KSR2: variants seen among roughly 807,000 people sequenced by gnomAD.
KSR2 encodes kinase suppressor of ras 2.
A neutral mutation model predicts 107.8 loss-of-function variants in KSR2; 25 were observed. The ratio of observed to expected loss-of-function variants is 0.23; its 90% CI spans 0.17 to 0.32. The LOEUF (loss-of-function observed/expected upper bound fraction) is 0.32. Among genes scored for constraint, KSR2 ranks in the 10% least tolerant of loss-of-function variants. KSR2 has a pLI of 1.00. For synonymous variants in KSR2, 480 were observed against 507.0 expected, an observed-to-expected ratio of 0.95 and a Z score of 0.71; for missense variants, 887 against 1,268.9, an observed-to-expected ratio of 0.70 and a Z score of 4.57.
At position 117,640,795 on chromosome 12, in the gene KSR2, GGT is replaced by G. The variant is rs564209865; in HGVS notation, c.1171+26677_1171+26678del. 1.4e-4 allele frequency among the ~76,000 whole-genome samples: 22 copies of G among 152,232 alleles called. No individual in the cohort carries two copies. In the South Asian group the frequency reaches 4.4e-3, roughly 30 times the overall value. On this transcript the variant is annotated intron_variant, in intron 5 of 19. Coordinates refer to ENST00000339824, the MANE Select transcript of KSR2 (RefSeq NM_173598.6). Reference sequence around the variant, plus strand: ...TGGGAAAGAGTATGTAACTCTTTATGGTCACTGGGGGGCCATCTGTGAGGTTA... The same window carrying G: ...TGGGAAAGAGTATGTAACTCTTTATGCACTGGGGGGCCATCTGTGAGGTTA...
At chr12:117,823,616 G>A (rs1891640129) in intron 3 of KSR2, among the ~76,000 whole-genome samples, 1 of 152,184 alleles carries the variant, frequency 6.6e-6, no homozygotes, top group African/African-American at 2.4e-5. Flanking sequence ...AGGTGCAGGT[G>A]ATACAGCTAA....
chr12:117,655,119 G>C (rs1884086952), intron 5 of KSR2, among the ~76,000 whole-genome samples: 1 of 152,222 alleles, frequency 6.6e-6, no homozygotes, highest in African/African-American at 2.4e-5. Context: ...ATCATGGAAA[G>C]GGCAGAGGTT....
chr12:117,586,743 C>A (rs1474428105), intron 5 of KSR2, among the ~76,000 whole-genome samples: 1 of 152,094 alleles, frequency 6.6e-6, no homozygotes, highest in Non-Finnish European at 1.5e-5. Context: ...TATATTATCC[C>A]ATTAATACAA....
At chr12:117,837,842 C>T (rs76308932) in intron 3 of KSR2, among the ~76,000 whole-genome samples, 1 of 152,274 alleles carries the variant, frequency 6.6e-6, no homozygotes, top group East Asian at 1.9e-4. Context: ...AGGGAAGTAC[C>T]GTCTCCCACC....
intron 1 of KSR2, among the ~76,000 whole-genome samples, chr12:117,919,150 T>C (rs185315842): frequency 1.3e-5 from 2 of 152,176 alleles, no homozygotes; most frequent in African/African-American, 2.4e-5. Flanking sequence ...AATAAATAAA[T>C]AAATAAACAA....
chr12:117,781,270 T>C (rs553442593), intron 3 of KSR2, among the ~76,000 whole-genome samples: 1 of 152,280 alleles, frequency 6.6e-6, no homozygotes, highest in South Asian at 2.1e-4. Context: ...CTTTATAAAT[T>C]ACCCAGTCTC....
intron 5 of KSR2, 110 bp downstream of exon 5, chr12:117,667,364 C>G: frequency 9.5e-7 from 1 of 1,048,060 alleles, no homozygotes; most frequent in Non-Finnish European, 1.4e-6. Flanking sequence ...TTTCACAAGC[C>G]CTTGAGATAA....
At chr12:117,566,820 CAAGAATG>C (rs1878522619) in intron 7 of KSR2, among the ~76,000 whole-genome samples, 1 of 152,128 alleles carries the variant, frequency 6.6e-6, no homozygotes, top group South Asian at 2.1e-4. Flanking sequence ...ATTTACTGTC[CAAGAATG>C]TAAACCCATC....
intron 5 of KSR2, among the ~76,000 whole-genome samples, chr12:117,624,057 G>A (rs1174474839): frequency 6.6e-6 from 1 of 152,138 alleles, no homozygotes; most frequent in Non-Finnish European, 1.5e-5. Flanking sequence ...TATATCCTTT[G>A]CCCACTTTTT....
intron 1 of KSR2, among the ~76,000 whole-genome samples, chr12:117,914,389 A>C (rs1895114216): frequency 6.7e-6 from 1 of 149,984 alleles, no homozygotes. Context: ...AAATCACGCC[A>C]CTGCACTCCA....
chr12:117,792,204 G>A (rs543870199), intron 3 of KSR2, among the ~76,000 whole-genome samples: 1 of 152,096 alleles, frequency 6.6e-6, no homozygotes, highest in Non-Finnish European at 1.5e-5. Flanking sequence ...AATTATCTGG[G>A]CATGGTGGTG....
chr12:117,708,846 A>C (rs976690671), intron 4 of KSR2, among the ~76,000 whole-genome samples: 1 of 152,212 alleles, frequency 6.6e-6, no homozygotes, highest in Non-Finnish European at 1.5e-5. Context: ...TCCTGCTGTA[A>C]CAAATCACCA....
chr12:117,508,357 C>T (rs1298209898), intron 14 of KSR2, among the ~76,000 whole-genome samples: 5 of 152,212 alleles, frequency 3.3e-5, no homozygotes, highest in Non-Finnish European at 7.3e-5. Context: ...AGAAGAAAAG[C>T]CCCACTCACA....
intron 1 of KSR2, among the ~76,000 whole-genome samples, chr12:117,910,628 G>C (rs959606517): frequency 3.5e-4 from 54 of 152,150 alleles, no homozygotes; most frequent in African/African-American, 1.3e-3. Flanking sequence ...AGCTCCTCTA[G>C]AGACAACTAG....
At chr12:117,587,804 C>T (rs1213683188) in intron 5 of KSR2, among the ~76,000 whole-genome samples, 1 of 152,136 alleles carries the variant, frequency 6.6e-6, no homozygotes, top group Non-Finnish European at 1.5e-5. Context: ...ATGGGAGCCC[C>T]GATGTGCGTT....
At chr12:117,817,841 C>T (rs1443658396) in intron 3 of KSR2, among the ~76,000 whole-genome samples, 2 of 152,204 alleles carry the variant, frequency 1.3e-5, no homozygotes, top group African/African-American at 2.4e-5. Flanking sequence ...TGGCTCACAC[C>T]TGTAATCCCA....
rs994635836 is a variant in KSR2 at position 117,626,786 on chromosome 12, C to T, written c.1171+40688G>A. On this transcript the variant is annotated intron_variant, in intron 5 of 19. Transcript: ENST00000339824. ...GGTAACCTTCTGTCTCATTGATCTG[C>T]CTAATATTGACAGTGGGGTGTTACA... Among the ~76,000 whole-genome samples, 34 of 151,928 alleles carry T rather than the reference C, an allele frequency of 2.2e-4. 1 individual carries two copies. The highest frequency in any genetic ancestry group is 1.5e-5 in the Non-Finnish European group (1 of 67,954).
intron 3 of KSR2, among the ~76,000 whole-genome samples, chr12:117,777,661 A>T (rs1004357952): frequency 2.0e-5 from 3 of 152,222 alleles, no homozygotes; most frequent in Admixed American, 6.5e-5. Flanking sequence ...TCCCACTGGA[A>T]TATAAGCTCT....
intron 14 of KSR2, among the ~76,000 whole-genome samples, chr12:117,510,549 A>G (rs1338160301): frequency 6.6e-6 from 1 of 152,188 alleles, no homozygotes; most frequent in Non-Finnish European, 1.5e-5. Flanking sequence ...CGTCACCTCC[A>G]TTGAGTCCCT....
Sources: gnomAD v4.1 joint callset for allele counts (sites outside exome capture counted in the v4.1 genomes callset) on GRCh38, gnomAD v4.1.1 for gene constraint, MANE v1.5 for transcripts, NCBI Gene and HGNC (gene_info 2026-07-23, HGNC 2026-07-21) for gene names.